GLCCI1: variants seen among roughly 807,000 people sequenced by gnomAD.
The protein encoded by GLCCI1 is glucocorticoid-induced transcript 1 protein.
A neutral mutation model predicts 52.2 loss-of-function variants in GLCCI1; 24 were observed. That is an observed-to-expected ratio of 0.46 (90% CI 0.33 to 0.65). The LOEUF (loss-of-function observed/expected upper bound fraction) is 0.65. GLCCI1 is among the 30% of genes least tolerant of loss of function. GLCCI1 has a pLI of 0.02. For missense variants in GLCCI1, 704 were observed against 701.5 expected (o/e 1.00, Z -0.04); for synonymous variants, 310 against 276.5 (o/e 1.12, Z -1.20).
chr7:7,983,175 G>A (rs1660974815), intron 1 of GLCCI1, among the ~76,000 whole-genome samples: 1 of 151,112 alleles, frequency 6.6e-6, no homozygotes, highest in African/African-American at 2.4e-5. Context: ...TGGGCATATA[G>A]AACACTGAAG....
intron 3 of GLCCI1, among the ~76,000 whole-genome samples, chr7:8,031,068 T>C (rs1472113738): frequency 2.0e-5 from 3 of 152,220 alleles, no homozygotes; most frequent in African/African-American, 7.2e-5. Flanking sequence ...AATCAGGATA[T>C]TGAAGAGATA....
chr7:8,014,572 C>T (rs1346769332), intron 2 of GLCCI1, among the ~76,000 whole-genome samples: 1 of 152,120 alleles, frequency 6.6e-6, no homozygotes, highest in African/African-American at 2.4e-5. Context: ...ACACTTGCTT[C>T]ATAAACAGGT....
At chr7:8,011,536 A>G (rs773890988) in intron 2 of GLCCI1, among the ~76,000 whole-genome samples, 11 of 152,126 alleles carry the variant, frequency 7.2e-5, no homozygotes, top group Non-Finnish European at 1.6e-4. Flanking sequence ...TTCTTTATCC[A>G]TTCGTCTATG....
chr7:7,973,406 T>TTGTGCGTGTGTG (rs1554257301), intron 1 of GLCCI1, among the ~76,000 whole-genome samples: 2 of 83,894 alleles, frequency 2.4e-5, no homozygotes. Flanking sequence ...ATGCAAATCT[T>TTGTGCGTGTGTG]TGTGTGCGTG....
At chr7:8,082,389 A>G (rs1783014606) in intron 6 of GLCCI1, among the ~76,000 whole-genome samples, 1 of 152,160 alleles carries the variant, frequency 6.6e-6, no homozygotes, top group Non-Finnish European at 1.5e-5. Flanking sequence ...CAGAGAGATG[A>G]TTGTACTCCA....
chr7:8,026,612 TTGGGGAAGAAGAGCACAGCGAC>T (rs1781627573), intron 3 of GLCCI1, among the ~76,000 whole-genome samples: 2 of 152,210 alleles, frequency 1.3e-5, no homozygotes, highest in South Asian at 4.1e-4. Flanking sequence ...TCTGTGCACT[TTGGGGAAGAAGAGCACAGCGAC>T]TGGGGAACTT....
chr7:8,070,664 G>A lies in GLCCI1; in HGVS notation c.967-257G>A, dbSNP rs542513963. Reference sequence around the variant, plus strand: ...TCCCGCTGTCCTTGAAGAGTTTTGTGGGATGTGCTGACCTACAGGTACATA... The same window carrying A: ...TCCCGCTGTCCTTGAAGAGTTTTGTAGGATGTGCTGACCTACAGGTACATA... On this transcript the variant is annotated intron_variant, in intron 5 of 7. Coordinates refer to ENST00000223145, the MANE Select transcript of GLCCI1 (RefSeq NM_138426.4). 1.3e-4 allele frequency: 42 copies of A among 330,928 alleles called. 1 individual carries two copies. The East Asian group carries it at 2.6e-3, about 20-fold the overall frequency. The allele number at this position is 330,928 out of a possible 1,614,324, so 20.5% of individuals were successfully genotyped here.
intron 2 of GLCCI1, 68 bp downstream of exon 2, chr7:8,004,127 ATG>A: frequency 7.6e-7 from 1 of 1,321,350 alleles, no homozygotes; most frequent in Non-Finnish European, 1.0e-6. Context: ...AGTAAAGAAA[ATG>A]TAATATAATC....
intron 1 of GLCCI1, among the ~76,000 whole-genome samples, chr7:7,992,754 T>A (rs37998): frequency 4.0e-5 from 6 of 151,772 alleles, no homozygotes; most frequent in East Asian, 3.8e-4. Context: ...TCTTGAAATC[T>A]TGTCTCCTCA....
chr7:8,035,304 G>A (rs183470788), intron 3 of GLCCI1, among the ~76,000 whole-genome samples: 71 of 152,312 alleles, frequency 4.7e-4, no homozygotes, highest in African/African-American at 1.7e-3. Flanking sequence ...GGCTCTTCAA[G>A]GGAGGAACAG....
At chr7:8,073,591 T>A (rs964877398) in intron 6 of GLCCI1, among the ~76,000 whole-genome samples, 2 of 152,206 alleles carry the variant, frequency 1.3e-5, no homozygotes, top group African/African-American at 2.4e-5. Context: ...AAAATATTTC[T>A]TAGTAAAATA....
intron 2 of GLCCI1, among the ~76,000 whole-genome samples, chr7:8,016,252 G>A (rs1261309739): frequency 1.3e-5 from 2 of 152,204 alleles, no homozygotes; most frequent in Non-Finnish European, 2.9e-5. Context: ...GGCAGATCAT[G>A]AGGTCAGGAG....
At chr7:8,068,928 CTGAT>C (rs1208128293) in intron 5 of GLCCI1, among the ~76,000 whole-genome samples, 2 of 152,230 alleles carry the variant, frequency 1.3e-5, no homozygotes, top group Admixed American at 6.5e-5. Context: ...AGTTTGCACT[CTGAT>C]TGAAGTTTGA....
At chr7:7,988,626 T>G (rs937657797) in intron 1 of GLCCI1, among the ~76,000 whole-genome samples, 2 of 152,166 alleles carry the variant, frequency 1.3e-5, no homozygotes, top group East Asian at 3.8e-4. Flanking sequence ...GAACCTAATG[T>G]GGAGAGTAAG....
chr7:7,997,051 A>G lies in GLCCI1; in HGVS notation c.458-6857A>G, dbSNP rs74813359. On this transcript the variant is annotated intron_variant, in intron 1 of 7. Transcript: ENST00000223145. Reference sequence around the variant, plus strand: ...ATTTTATATGTCAAGGAGGAAGACTATTAATGGCTGTTGAAGTGCTTAGAT... The same window carrying G: ...ATTTTATATGTCAAGGAGGAAGACTGTTAATGGCTGTTGAAGTGCTTAGAT... Among the ~76,000 whole-genome samples, 207 of 152,350 alleles carry G rather than the reference A, an allele frequency of 1.4e-3. 3 individuals carry two copies. In the East Asian group the frequency reaches 0.037, roughly 27 times the overall value.
intron 2 of GLCCI1, among the ~76,000 whole-genome samples, chr7:8,017,752 T>C (rs1246406951): frequency 2.6e-5 from 4 of 152,272 alleles, no homozygotes; most frequent in East Asian, 3.9e-4. Flanking sequence ...AGTGTTTTGT[T>C]TGAGCTGAAT....
At chr7:7,970,230 C>A (rs2115397392) in intron 1 of GLCCI1, among the ~76,000 whole-genome samples, 1 of 152,242 alleles carries the variant, frequency 6.6e-6, no homozygotes, top group Admixed American at 6.5e-5. Context: ...CCTGTAACTA[C>A]CGGGATAGTA....
chr7:7,978,151 T>G (rs978672524), intron 1 of GLCCI1, among the ~76,000 whole-genome samples: 1 of 152,224 alleles, frequency 6.6e-6, no homozygotes. Flanking sequence ...GACCTATCAC[T>G]TTGTTTAGAC....
rs182371040 is a variant in GLCCI1 at position 7,997,878 on chromosome 7, G to A, written c.458-6030G>A. Among the ~76,000 whole-genome samples the A allele has an allele frequency of 8.5e-3, 1,293 of 151,924 alleles. 20 individuals carry two copies. The highest frequency in any genetic ancestry group is 0.029 in the African/African-American group (1,209 of 41,404). ...GGAGGCAGAGGTTACAGTGAGCCGA[G>A]ATCATACCACTGTACTCCAGCCTGG... On this transcript the variant is annotated intron_variant, in intron 1 of 7. Coordinates refer to ENST00000223145, the MANE Select transcript of GLCCI1 (RefSeq NM_138426.4).
Sources: gnomAD v4.1 joint callset for allele counts (sites outside exome capture counted in the v4.1 genomes callset) on GRCh38, gnomAD v4.1.1 for gene constraint, MANE v1.5 for transcripts, NCBI Gene and HGNC (gene_info 2026-07-23, HGNC 2026-07-21) for gene names.